SKOR1: variants seen among roughly 807,000 people sequenced by gnomAD.
SKOR1 encodes SKI family transcriptional corepressor 1.
A neutral mutation model predicts 72.4 loss-of-function variants in SKOR1; 38 were observed. The observed-to-expected ratio is 0.52, with a 90% CI of 0.40 to 0.69. SKOR1 has a LOEUF of 0.69. Ranked by LOEUF, SKOR1 falls within the 30% of genes least tolerant of loss-of-function variation. The pLI is 0.00. For synonymous variants in SKOR1, 642 were observed against 599.4 expected, an observed-to-expected ratio of 1.07 and a Z score of -1.04; for missense variants, 1,320 against 1,343.2, an observed-to-expected ratio of 0.98 and a Z score of 0.27.
chr15:67,830,574 C>CA (rs1191750991), intron 4 of SKOR1, among the ~76,000 whole-genome samples: 2 of 152,158 alleles, frequency 1.3e-5, no homozygotes, highest in Admixed American at 1.3e-4. Context: ...TAAAATAGGT[C>CA]AAAGGGCATT....
Position 67,827,841 on chromosome 15 carries a change from C to T in SKOR1, c.2013C>T (p.Asp671=). 6.3e-7 allele frequency: 1 copy of T among 1,597,506 alleles called. No individual in the cohort carries two copies. Among genetic ancestry groups the T allele is most frequent in the African/African-American group, 1.3e-5 (1 of 74,922 alleles). ...TGGAATCCAACCGCTTCCCCGACGA[C>T]GAGGACGCCCAAGAGGAGACCGAGC... ...VDVESNRFPD[D]EDAQEETEPS... is the part of the protein sequence containing the mutation. Residue 671 remains aspartate (D), a synonymous_variant, in exon 2 of 9, where the codon GAC becomes GAT. Coordinates refer to ENST00000380035, the MANE Select transcript of SKOR1 (RefSeq NM_001365915.1).
rs758839240 is a variant in SKOR1 at position 67,827,110 on chromosome 15, G to A, written c.1282G>A (p.Gly428Ser). 7.1e-7 allele frequency: 1 copy of A among 1,416,488 alleles called. No homozygotes were observed. Among genetic ancestry groups the A allele is most frequent in the Non-Finnish European group, 9.2e-7 (1 of 1,092,740 alleles). 87.7% of individuals were successfully genotyped at this position (1,416,488 alleles called of 1,614,324 possible). The change falls in exon 2 of 9, where the codon GGC (glycine) becomes AGC (serine). Residue 428 changes from glycine to serine, a missense_variant. Physicochemically the swap from Gly to Ser is moderately conservative, Grantham distance 56. This residue lies in a region of SKOR1 where 1,099 missense variants were observed against 1,025.5 expected (regional missense o/e 1.07). Transcript: ENST00000380035. Reference sequence around the variant, plus strand: ...AAAGGGCGGTCCTGGCACTGGGAGCGGCGGCGGCGGCGCGGGGACAGGCGG... The same window carrying A: ...AAAGGGCGGTCCTGGCACTGGGAGCAGCGGCGGCGGCGCGGGGACAGGCGG... ...EPKGGPGTGSGGGGAGTGGGA... is the reference protein window; with the variant it reads ...EPKGGPGTGSSGGGAGTGGGA...
Position 67,832,673 on chromosome 15 carries a change from T to C in SKOR1, c.2729T>C (p.Ile910Thr), listed in dbSNP as rs761326205. The C allele has an allele frequency of 4.3e-6, 7 of 1,613,968 alleles. No homozygotes were observed. Among genetic ancestry groups the C allele is most frequent in the Non-Finnish European group, 5.9e-6 (7 of 1,179,974 alleles). ...YREEMVQQLQ[I>T]VRDTLCNELD... ...GAAGAAATGGTGCAACAGCTGCAAA[T>C]TGTCAGAGGTAAGACGGGAGTCAGG... Residue 910 changes from isoleucine to threonine, a missense_variant, in exon 7 of 9, where the codon ATT becomes ACT. This residue lies in a region of SKOR1 where 1,099 missense variants were observed against 1,025.5 expected (regional missense o/e 1.07). Transcript: ENST00000380035. This position sits in a 1 kb window ranked among gnomAD's most constrained non-coding sequence, Gnocchi z 4.5.
rs990130237 is a variant in SKOR1 at position 67,833,955 on chromosome 15, G to T, written c.*119G>T. On this transcript the variant is annotated 3_prime_UTR_variant, in exon 9 of 9. Transcript: ENST00000380035. The surrounding 1 kb of genome is among the most constrained non-coding windows in gnomAD (Gnocchi z 6.0). The stretch of plus-strand genomic sequence containing the variant: ...GGACCCGACCGATGTAAATACAGCC[G>T]CCCGTCCGCCCGCCTTCCTCCCGGG... 5.0e-5 allele frequency: 54 copies of T among 1,087,972 alleles called. 1 individual carries two copies. The highest frequency in any genetic ancestry group is 6.9e-5 in the Non-Finnish European group (51 of 734,650). The allele number at this position is 1,087,972 out of a possible 1,614,324, so 67.4% of individuals were successfully genotyped here.
In SKOR1 at chr15:67,826,310, G is replaced by T; in HGVS notation, c.482G>T (p.Arg161Leu). 1 of 1,613,492 alleles carries T rather than the reference G, an allele frequency of 6.2e-7. No individual in the cohort carries two copies. Among genetic ancestry groups the T allele is most frequent in the Non-Finnish European group, 8.5e-7 (1 of 1,180,030 alleles). The change falls in exon 2 of 9, where the codon CGC becomes CTC. Residue 161 changes from arginine (R) to leucine (L), a missense_variant. Around this residue, in one of 3 missense-constraint regions of SKOR1, gnomAD observed 101 missense variants for 212.8 expected, o/e 0.47. Coordinates refer to ENST00000380035, the MANE Select transcript of SKOR1 (RefSeq NM_001365915.1). ...ATGATCACTAAGCGAGAGGCCGAAC[G>T]CCTGTGCAAGTCGTTCCTGGGCGAG... ...CGMITKREAE[R>L]LCKSFLGEHK...
Sources: allele counts gnomAD v4.1 joint callset (sites outside exome capture counted in the v4.1 genomes callset), GRCh38; gene constraint gnomAD v4.1.1; regional missense constraint gnomAD v4.1.1; non-coding constraint Gnocchi (gnomAD v3.1); transcripts MANE v1.5; gene names NCBI Gene and HGNC (gene_info 2026-07-23, HGNC 2026-07-21).